TPX2: variants seen among roughly 807,000 people sequenced by gnomAD.
TPX2 encodes the protein targeting protein for Xklp2.
A neutral mutation model predicts 93.6 loss-of-function variants in TPX2; 21 were observed. The ratio of observed to expected loss-of-function variants is 0.22; its 90% CI spans 0.16 to 0.32. The LOEUF (loss-of-function observed/expected upper bound fraction) is 0.32. Ranked by LOEUF, TPX2 falls within the 10% of genes least tolerant of loss-of-function variation. The pLI is 1.00. For missense variants in TPX2, 776 were observed against 871.1 expected (o/e 0.89, Z 1.37); for synonymous variants, 281 against 298.3 (o/e 0.94, Z 0.60).
intron 12 of TPX2, among the ~76,000 whole-genome samples, chr20:31,784,684 G>T (rs2062054417): frequency 6.6e-6 from 1 of 152,176 alleles, no homozygotes; most frequent in Admixed American, 6.5e-5. Flanking sequence ...TTAAGCTGGA[G>T]AAAAGTTTAT....
In TPX2 at chr20:31,778,918, C is replaced by A; in HGVS notation, c.988C>A (p.Gln330Lys). The part of the protein sequence containing the change: ...TVSTYVPLAQ[Q>K]VEDFHKRTPN... ...TTCTACATATGTGCCCCTTGCACAGCAAGTTGAAGACTTCCATAAACGAAC... is the reference window on the plus strand; with the variant it reads ...TTCTACATATGTGCCCCTTGCACAGAAAGTTGAAGACTTCCATAAACGAAC... The change falls in exon 10 of 18, where the codon CAA (glutamine) becomes AAA (lysine). Residue 330 changes from glutamine (Q) to lysine (K), a missense_variant. By Grantham distance (53) the Gln-to-Lys change is moderately conservative (BLOSUM62 1). Coordinates refer to ENST00000300403, the MANE Select transcript of TPX2 (RefSeq NM_012112.5). The A allele has an allele frequency of 1.2e-6, 2 of 1,611,606 alleles. No homozygotes were observed.
chr20:31,798,384 A>G lies in TPX2; in HGVS notation c.1965A>G (p.Leu655=). Residue 655 remains leucine (L), a synonymous_variant, in exon 17 of 18, where the codon CTA becomes CTG. Coordinates refer to ENST00000300403, the MANE Select transcript of TPX2 (RefSeq NM_012112.5). ...KSVAEGLSGS[L]VQEPFQLATE... ...ACTTAGAGGGCCTTTCTGGTTCTCT[A>G]GTTCAGGAACCTTTTCAGCTGGCTA... 6.2e-7 allele frequency: 1 copy of G among 1,614,094 alleles called. No homozygotes were observed. The highest frequency in any genetic ancestry group is 8.5e-7 in the Non-Finnish European group (1 of 1,180,014).
At chr20:31,765,359 G>A (rs1028175539) in intron 4 of TPX2, among the ~76,000 whole-genome samples, 3 of 149,106 alleles carry the variant, frequency 2.0e-5, no homozygotes, top group Admixed American at 1.3e-4. Flanking sequence ...ACATGGCCAT[G>A]GTAACATGGC....
At chr20:31,778,432 A>G (rs1248511182) in intron 9 of TPX2, among the ~76,000 whole-genome samples, 1 of 152,114 alleles carries the variant, frequency 6.6e-6, no homozygotes, top group Non-Finnish European at 1.5e-5. Context: ...GCCTGACCTG[A>G]TGCATACCCA....
At chr20:31,741,483 T>G (rs547873490) in intron 1 of TPX2, among the ~76,000 whole-genome samples, 1 of 127,072 alleles carries the variant, frequency 7.9e-6, no homozygotes, top group East Asian at 2.3e-4. Flanking sequence ...GGCTAATTTT[T>G]GTATTTTTTT....
At chr20:31,752,708 G>C (rs2061827087) in intron 2 of TPX2, among the ~76,000 whole-genome samples, 1 of 152,062 alleles carries the variant, frequency 6.6e-6, no homozygotes, top group African/African-American at 2.4e-5. Context: ...TGCCTCCCGG[G>C]TTCACACCAT....
chr20:31,759,995 C>A (rs11698833), intron 3 of TPX2, 62 bp from the exon 4 acceptor site: 45 of 1,593,666 alleles, frequency 2.8e-5, no homozygotes, highest in Non-Finnish European at 3.6e-5. Context: ...ATTTTAAATG[C>A]GTGATAGTGA....
intron 1 of TPX2, among the ~76,000 whole-genome samples, chr20:31,740,152 A>G (rs1028386979): frequency 4.6e-5 from 7 of 152,118 alleles, no homozygotes; most frequent in African/African-American, 1.4e-4. Context: ...TTTACCCCCT[A>G]TTTTCTTGAC....
At chr20:31,749,735 C>T (rs973770747) in intron 2 of TPX2, among the ~76,000 whole-genome samples, 4 of 151,744 alleles carry the variant, frequency 2.6e-5, no homozygotes, top group Admixed American at 1.3e-4. Flanking sequence ...CCAGAGGTTG[C>T]AGTGAGCCAA....
Position 31,757,500 on chromosome 20 carries a change from T to C in TPX2, c.24T>C (p.Tyr8=), listed in dbSNP as rs2061859510. Residue 8 remains tyrosine, a synonymous_variant, in exon 3 of 18, where the codon TAT becomes TAC. Transcript: ENST00000300403. The stretch of plus-strand genomic sequence containing the variant: ...CAATGTCACAAGTTAAAAGCTCTTA[T>C]TCCTATGATGCCCCCTCGGATTTCA... The part of the protein sequence containing the change: MSQVKSS[Y]SYDAPSDFIN... 1 of 1,614,130 alleles carries C rather than the reference T, an allele frequency of 6.2e-7. No homozygotes were observed. Among genetic ancestry groups the C allele is most frequent in the East Asian group, 2.2e-5 (1 of 44,864 alleles).
At chr20:31,743,550 A>T (rs2061765437) in intron 2 of TPX2, among the ~76,000 whole-genome samples, 1 of 151,796 alleles carries the variant, frequency 6.6e-6, no homozygotes, top group African/African-American at 2.4e-5. Flanking sequence ...AAAAAATTTA[A>T]CCGGGCGTGG....
At chr20:31,750,042 A>G (rs979799067) in intron 2 of TPX2, among the ~76,000 whole-genome samples, 1 of 151,938 alleles carries the variant, frequency 6.6e-6, no homozygotes, top group Non-Finnish European at 1.5e-5. Flanking sequence ...GGTTCAAGCT[A>G]TTCTCCTGCC....
chr20:31,774,583 C>G (rs1376978509), intron 7 of TPX2, among the ~76,000 whole-genome samples: 1 of 152,144 alleles, frequency 6.6e-6, no homozygotes, highest in Non-Finnish European at 1.5e-5. Context: ...TATTTACACT[C>G]CCATTTCACA....
Position 31,783,682 on chromosome 20 carries a change from T to C in TPX2, c.1197-23T>C, listed in dbSNP as rs146190666. ...CATTTTATTAAAATTTTTTTTGTGG[T>C]TATTTAAATTTTCACCTTACAGATA... On this transcript the variant is annotated intron_variant, in intron 11 of 17. Coordinates refer to ENST00000300403, the MANE Select transcript of TPX2 (RefSeq NM_012112.5). 359 of 1,577,886 alleles carry C rather than the reference T, an allele frequency of 2.3e-4. 4 individuals are homozygous for C. The East Asian group carries it at 6.8e-3, about 30-fold the overall frequency.
chr20:31,753,884 G>C (rs531737969), intron 2 of TPX2, among the ~76,000 whole-genome samples: 32 of 152,150 alleles, frequency 2.1e-4, no homozygotes, highest in South Asian at 8.3e-4. Flanking sequence ...AAATTAGCCA[G>C]GCGTGGTGGC....
chr20:31,774,672 G>C (rs188287708), intron 7 of TPX2, among the ~76,000 whole-genome samples: 2 of 152,098 alleles, frequency 1.3e-5, no homozygotes, highest in African/African-American at 4.8e-5. Flanking sequence ...GACAGGGTTG[G>C]GATTTAGTCG....
chr20:31,781,603 T>A (rs1450335498), intron 10 of TPX2, among the ~76,000 whole-genome samples: 10 of 151,426 alleles, frequency 6.6e-5, no homozygotes, highest in Admixed American at 6.6e-4. Context: ...TAAGCAAAAA[T>A]TTTTTGTGTT....
At chr20:31,790,731 T>C (rs1454709358) in intron 12 of TPX2, among the ~76,000 whole-genome samples, 2 of 152,210 alleles carry the variant, frequency 1.3e-5, no homozygotes, top group African/African-American at 4.8e-5. Flanking sequence ...CAACAAACAT[T>C]TACTGAGTGC....
intron 5 of TPX2, among the ~76,000 whole-genome samples, chr20:31,768,899 CTTAT>C (rs1355307076): frequency 1.3e-5 from 2 of 152,138 alleles, no homozygotes; most frequent in Non-Finnish European, 2.9e-5. Flanking sequence ...ACCCAGCAAT[CTTAT>C]TTTTTTTAGA....
Sources: allele counts gnomAD v4.1 joint callset (sites outside exome capture counted in the v4.1 genomes callset), GRCh38; gene constraint gnomAD v4.1.1; transcripts MANE v1.5; gene names NCBI Gene and HGNC (gene_info 2026-07-23, HGNC 2026-07-21).